Variants in SSBP2 observed in about 807,000 individuals in gnomAD.
The protein encoded by SSBP2 is single stranded DNA binding protein 2.
SSBP2 carries 17 observed loss-of-function variants against 61.8 expected under a neutral mutation model. The observed-to-expected ratio is 0.28, with a 90% CI of 0.19 to 0.41. The LOEUF (loss-of-function observed/expected upper bound fraction) is 0.41. SSBP2 is among the 10% of genes least tolerant of loss of function. SSBP2 has a pLI of 1.00. For synonymous variants in SSBP2, 139 were observed against 141.3 expected, an observed-to-expected ratio of 0.98 and a Z score of 0.12; for missense variants, 310 against 458.7, an observed-to-expected ratio of 0.68 and a Z score of 2.96.
At chr5:81,586,055 C>T (rs1045172583) in intron 4 of SSBP2, among the ~76,000 whole-genome samples, 1 of 152,128 alleles carries the variant, frequency 6.6e-6, no homozygotes, top group Non-Finnish European at 1.5e-5. Flanking sequence ...CTGACGGATA[C>T]GTAGGTTGAT....
chr5:81,486,819 C>T (rs1045972628), intron 6 of SSBP2, among the ~76,000 whole-genome samples: 5 of 152,168 alleles, frequency 3.3e-5, no homozygotes, highest in African/African-American at 1.2e-4. Context: ...GAAAAATGCT[C>T]CAGCTGCTAA....
chr5:81,460,596 T>C (rs1373025371), intron 10 of SSBP2, among the ~76,000 whole-genome samples: 1 of 152,138 alleles, frequency 6.6e-6, no homozygotes, highest in Non-Finnish European at 1.5e-5. Flanking sequence ...ACAAGGTAAA[T>C]ATGCATTTGC....
chr5:81,715,150 A>T (rs1755089118), intron 1 of SSBP2, among the ~76,000 whole-genome samples: 1 of 152,206 alleles, frequency 6.6e-6, no homozygotes, highest in African/African-American at 2.4e-5. Flanking sequence ...ACAGAGACAG[A>T]CAGGAGGGGC....
At chr5:81,445,922 T>C (rs1397332296) in intron 12 of SSBP2, among the ~76,000 whole-genome samples, 2 of 152,208 alleles carry the variant, frequency 1.3e-5, no homozygotes, top group Non-Finnish European at 2.9e-5. Context: ...TTATATTGCA[T>C]TGAATCATGA....
At chr5:81,640,239 C>T (rs921222568) in intron 2 of SSBP2, among the ~76,000 whole-genome samples, 6 of 151,934 alleles carry the variant, frequency 3.9e-5, no homozygotes, top group Non-Finnish European at 5.9e-5. Flanking sequence ...ACTCAGGAGG[C>T]GGAGGCAGAA....
intron 4 of SSBP2, among the ~76,000 whole-genome samples, chr5:81,600,106 T>C (rs1164065799): frequency 1.3e-5 from 2 of 152,212 alleles, no homozygotes; most frequent in African/African-American, 4.8e-5. Context: ...GTGATTAAGA[T>C]GGTCTAACTG....
chr5:81,660,958 G>A (rs1192569920), intron 1 of SSBP2, among the ~76,000 whole-genome samples: 1 of 142,400 alleles, frequency 7.0e-6, no homozygotes, highest in Non-Finnish European at 1.6e-5. Context: ...GTTGAACAAT[G>A]AGAACACATG....
At chr5:81,472,104 G>A (rs1397799453) in intron 8 of SSBP2, among the ~76,000 whole-genome samples, 2 of 152,030 alleles carry the variant, frequency 1.3e-5, no homozygotes, top group Admixed American at 1.3e-4. Flanking sequence ...TGCTCATAAT[G>A]CTGTTTCTTG....
chr5:81,695,737 GATT>G (rs1753556868), intron 1 of SSBP2, among the ~76,000 whole-genome samples: 1 of 151,896 alleles, frequency 6.6e-6, no homozygotes. Flanking sequence ...TTCCTTTTTA[GATT>G]ATTATTGCTA....
intron 1 of SSBP2, among the ~76,000 whole-genome samples, chr5:81,724,918 T>G (rs920421038): frequency 6.6e-6 from 1 of 152,124 alleles, no homozygotes; most frequent in Non-Finnish European, 1.5e-5. Context: ...TCCTATTGAG[T>G]AGGCAAAATG....
At chr5:81,707,857 T>C (rs540765419) in intron 1 of SSBP2, among the ~76,000 whole-genome samples, 1 of 152,252 alleles carries the variant, frequency 6.6e-6, no homozygotes, top group Admixed American at 6.5e-5. Flanking sequence ...GGGAAAGTGC[T>C]TGGAAAAATA....
At chr5:81,545,309 G>C (rs1771647685) in intron 4 of SSBP2, among the ~76,000 whole-genome samples, 1 of 152,158 alleles carries the variant, frequency 6.6e-6, no homozygotes, top group African/African-American at 2.4e-5. Context: ...ATAGTAGACT[G>C]TGACATAAGG....
chr5:81,690,530 T>C (rs1029262634), intron 1 of SSBP2, among the ~76,000 whole-genome samples: 1 of 152,062 alleles, frequency 6.6e-6, no homozygotes, highest in Non-Finnish European at 1.5e-5. Context: ...GCAAAGAATA[T>C]AACAATTGTA....
intron 3 of SSBP2, among the ~76,000 whole-genome samples, chr5:81,626,721 G>T (rs1390723370): frequency 6.6e-6 from 1 of 152,118 alleles, no homozygotes; most frequent in Non-Finnish European, 1.5e-5. Context: ...AGGGATCCGT[G>T]GATGCCTCAA....
chr5:81,577,085 T>C (rs1774269052), intron 4 of SSBP2, among the ~76,000 whole-genome samples: 1 of 152,090 alleles, frequency 6.6e-6, no homozygotes, highest in Non-Finnish European at 1.5e-5. Context: ...TGATACATCA[T>C]ATAAAATTAT....
chr5:81,444,787 A>C (rs955222345), intron 12 of SSBP2, among the ~76,000 whole-genome samples: 10 of 152,096 alleles, frequency 6.6e-5, no homozygotes, highest in Non-Finnish European at 1.0e-4. Context: ...CTAATCAAGA[A>C]TATAATTTCA....
intron 10 of SSBP2, among the ~76,000 whole-genome samples, chr5:81,459,450 T>G (rs910256369): frequency 6.6e-6 from 1 of 152,152 alleles, no homozygotes; most frequent in Non-Finnish European, 1.5e-5. Flanking sequence ...TGAATTGTAC[T>G]CTGGCTGCCT....
At chr5:81,455,625 C>CAAAAAAAAA (rs537363119) in intron 10 of SSBP2, among the ~76,000 whole-genome samples, 3 of 12,578 alleles carry the variant, frequency 2.4e-4, no homozygotes, top group Non-Finnish European at 3.2e-4. Context: ...GACTCCGTCT[C>CAAAAAAAAA]AAAAAAAAAA....
chr5:81,472,148 C>G (rs1765288582), intron 8 of SSBP2, among the ~76,000 whole-genome samples: 1 of 152,056 alleles, frequency 6.6e-6, no homozygotes, highest in South Asian at 2.1e-4. Flanking sequence ...TTCTTTTAAC[C>G]AGCTTTATGA....
Sources: allele counts gnomAD v4.1 joint callset (sites outside exome capture counted in the v4.1 genomes callset), GRCh38; gene constraint gnomAD v4.1.1; transcripts MANE v1.5; gene names NCBI Gene and HGNC (gene_info 2026-07-23, HGNC 2026-07-21).